Variants in LCLAT1 observed in about 807,000 individuals in gnomAD.
LCLAT1 encodes the protein 1-AGP acyltransferase 8.
A neutral mutation model predicts 30.7 loss-of-function variants in LCLAT1; 11 were observed. The observed-to-expected ratio is 0.36, with a 90% CI of 0.23 to 0.59. The LOEUF (loss-of-function observed/expected upper bound fraction) is 0.59. Ranked by LOEUF, LCLAT1 falls within the 20% of genes least tolerant of loss-of-function variation. The pLI is 0.77. For missense variants in LCLAT1, 402 were observed against 458.6 expected (o/e 0.88, Z 1.13); for synonymous variants, 155 against 151.3 (o/e 1.02, Z -0.18).
At position 30,447,329 on chromosome 2, in the gene LCLAT1, C is replaced by G. The variant is rs1051004117; in HGVS notation, c.-59C>G. On this transcript the variant is annotated 5_prime_UTR_variant, in exon 1 of 6. Coordinates refer to ENST00000379509, the MANE Select transcript of LCLAT1 (RefSeq NM_001002257.3). The stretch of plus-strand genomic sequence containing the variant: ...CGGAGGTTGTGACCCCTACGGAGCC[C>G]CAGCTTGCCCACGCACCCCACTCGG... 1 of 152,132 alleles carries G rather than the reference C, an allele frequency of 6.6e-6. No homozygotes were observed. The highest frequency in any genetic ancestry group is 1.5e-5 in the Non-Finnish European group (1 of 68,094). 9.4% of individuals were successfully genotyped at this position (152,132 alleles called of 1,614,324 possible).
chr2:30,483,384 G>T (rs1572507308), intron 1 of LCLAT1, among the ~76,000 whole-genome samples: 1 of 152,174 alleles, frequency 6.6e-6, no homozygotes, highest in Middle Eastern at 3.4e-3. Context: ...TTAAGAAAAA[G>T]AATGTATTTT....
chr2:30,505,129 A>G (rs1045629272), intron 1 of LCLAT1, among the ~76,000 whole-genome samples: 7 of 152,170 alleles, frequency 4.6e-5, no homozygotes, highest in African/African-American at 1.7e-4. Context: ...TTTCTGTTAC[A>G]GACAATGCTG....
chr2:30,460,481 C>G (rs1292171843), intron 1 of LCLAT1, among the ~76,000 whole-genome samples: 2 of 152,140 alleles, frequency 1.3e-5, no homozygotes, highest in African/African-American at 4.8e-5. Context: ...GATCTTTATG[C>G]TTGCGTTACT....
At chr2:30,626,333 A>G (rs1668507872) in intron 5 of LCLAT1, among the ~76,000 whole-genome samples, 1 of 152,162 alleles carries the variant, frequency 6.6e-6, no homozygotes, top group African/African-American at 2.4e-5. Flanking sequence ...TTGTTTTCAC[A>G]TTGAATTTTG....
At chr2:30,480,002 A>G (rs139221880) in intron 1 of LCLAT1, among the ~76,000 whole-genome samples, 118 of 152,320 alleles carry the variant, frequency 7.7e-4, no homozygotes, top group African/African-American at 2.5e-3. Flanking sequence ...AAACACTTTC[A>G]TCCTTTTATA....
In LCLAT1 at chr2:30,562,127, A is replaced by T. The variant is rs762367929; in HGVS notation, c.365-19A>T. The T allele has an allele frequency of 2.6e-6, 4 of 1,566,556 alleles. No homozygotes were observed. In the African/African-American group the frequency reaches 5.4e-5, roughly 21 times the overall value. ...GGCAATAAAATTATAGGTAAATTTTATTGTTAAATTGATTCTAGGTTGGGC... is the reference window on the plus strand; with the variant it reads ...GGCAATAAAATTATAGGTAAATTTTTTTGTTAAATTGATTCTAGGTTGGGC... On this transcript the variant is annotated intron_variant, in intron 3 of 5. Transcript: ENST00000379509.
chr2:30,454,415 G>A (rs1681719950), intron 1 of LCLAT1, among the ~76,000 whole-genome samples: 2 of 152,020 alleles, frequency 1.3e-5, no homozygotes, highest in African/African-American at 4.8e-5. Flanking sequence ...CTTAATGAGA[G>A]TAACTGCAGA....
chr2:30,570,154 T>C (rs943437166), intron 5 of LCLAT1, among the ~76,000 whole-genome samples: 1 of 152,174 alleles, frequency 6.6e-6, no homozygotes, highest in Non-Finnish European at 1.5e-5. Context: ...GATTTATAAC[T>C]TTGGTTAATG....
At chr2:30,564,447 C>T (rs1032623725) in intron 4 of LCLAT1, among the ~76,000 whole-genome samples, 10 of 150,988 alleles carry the variant, frequency 6.6e-5, no homozygotes, top group Non-Finnish European at 1.2e-4. Context: ...TATTTGTTCT[C>T]AGGTTTCTTT....
At chr2:30,617,799 T>C (rs1048335696) in intron 5 of LCLAT1, among the ~76,000 whole-genome samples, 6 of 152,310 alleles carry the variant, frequency 3.9e-5, no homozygotes, top group South Asian at 2.1e-4. Flanking sequence ...CCTTCACTGG[T>C]GATATGTTAA....
chr2:30,589,465 G>T (rs1245212373), intron 5 of LCLAT1, among the ~76,000 whole-genome samples: 1 of 141,936 alleles, frequency 7.0e-6, no homozygotes, highest in Admixed American at 7.0e-5. Context: ...ATGTTGAGGG[G>T]AAAAAAAAAA....
intron 5 of LCLAT1, among the ~76,000 whole-genome samples, chr2:30,608,547 A>G (rs1005668956): frequency 2.0e-5 from 3 of 151,888 alleles, no homozygotes; most frequent in African/African-American, 7.3e-5. Flanking sequence ...GAGGTATACT[A>G]TTTTTTATCT....
chr2:30,584,088 T>C (rs1666324301), intron 5 of LCLAT1, among the ~76,000 whole-genome samples: 1 of 152,146 alleles, frequency 6.6e-6, no homozygotes, highest in Non-Finnish European at 1.5e-5. Context: ...TGTGTTCTCA[T>C]TGTTCAACTC....
At chr2:30,549,508 G>A (rs2148421300) in intron 3 of LCLAT1, among the ~76,000 whole-genome samples, 1 of 152,296 alleles carries the variant, frequency 6.6e-6, no homozygotes, top group Non-Finnish European at 1.5e-5. Context: ...GGGAGCTTTA[G>A]GGTTTTGAAT....
rs1324739745 is a variant in LCLAT1 at position 30,641,577 on chromosome 2, C to T, written c.*958C>T. ...GGGTATCTAACATCTACCATTAAAACAACAAATGGCTTGCAGACAGGGCAG... is the reference window on the plus strand; with the variant it reads ...GGGTATCTAACATCTACCATTAAAATAACAAATGGCTTGCAGACAGGGCAG... On this transcript the variant is annotated 3_prime_UTR_variant, in exon 6 of 6. Coordinates refer to ENST00000379509, the MANE Select transcript of LCLAT1 (RefSeq NM_001002257.3). 6.6e-6 allele frequency: 1 copy of T among 152,154 alleles called. No individual in the cohort carries two copies. Among genetic ancestry groups the T allele is most frequent in the Non-Finnish European group, 1.5e-5 (1 of 68,020 alleles). 9.4% of individuals were successfully genotyped at this position (152,154 alleles called of 1,614,324 possible).
intron 1 of LCLAT1, among the ~76,000 whole-genome samples, chr2:30,477,939 C>A (rs1683129177): frequency 6.6e-6 from 1 of 151,960 alleles, no homozygotes; most frequent in Non-Finnish European, 1.5e-5. Context: ...TCTCTCTCTC[C>A]CCCCTGAAAG....
intron 1 of LCLAT1, among the ~76,000 whole-genome samples, chr2:30,500,037 T>C (rs1040396323): frequency 6.6e-6 from 1 of 152,206 alleles, no homozygotes; most frequent in East Asian, 1.9e-4. Context: ...AAAATATACT[T>C]TTATATAAAG....
intron 5 of LCLAT1, chr2:30,607,448 T>C (rs977565792): frequency 1.3e-5 from 2 of 152,102 alleles, no homozygotes; most frequent in African/African-American, 2.4e-5. Context: ...ACATATATGA[T>C]GGCAGTCTCA....
chr2:30,517,863 G>T (rs1685260631), intron 1 of LCLAT1, among the ~76,000 whole-genome samples: 1 of 152,112 alleles, frequency 6.6e-6, no homozygotes, highest in African/African-American at 2.4e-5. Context: ...GATAATTGAA[G>T]ATCCTCTCCG....
Sources: allele counts gnomAD v4.1 joint callset (sites outside exome capture counted in the v4.1 genomes callset), GRCh38; gene constraint gnomAD v4.1.1; transcripts MANE v1.5; gene names NCBI Gene and HGNC (gene_info 2026-07-23, HGNC 2026-07-21).